The following CCR2 variants were observed in gnomAD, a reference collection of about 807,000 sequenced individuals.
CCR2 encodes the protein C-C motif chemokine receptor 2.
For synonymous variants in CCR2, 183 were observed against 177.1 expected, an observed-to-expected ratio of 1.03 and a Z score of -0.27; for missense variants, 408 against 440.0, an observed-to-expected ratio of 0.93 and a Z score of 0.65.
At chr3:46,355,623 G>C (rs909327406) in intron 1 of CCR2, among the ~76,000 whole-genome samples, 6 of 152,142 alleles carry the variant, frequency 3.9e-5, no homozygotes, top group African/African-American at 1.4e-4. Flanking sequence ...ATGAGCAAAG[G>C]AAAGACTACA....
Position 46,359,962 on chromosome 3 carries a change from G to A in CCR2, c.*1352G>A, listed in dbSNP as rs1185293156. Reference sequence around the variant, plus strand: ...GGTGTCTACGTTACCAGGCAGGAAGGCTGAGAGGAGAGAGACTCCAGCTGG... The same window carrying A: ...GGTGTCTACGTTACCAGGCAGGAAGACTGAGAGGAGAGAGACTCCAGCTGG... On this transcript the variant is annotated 3_prime_UTR_variant, in exon 2 of 2. Coordinates refer to ENST00000445132, the MANE Select transcript of CCR2 (RefSeq NM_001123396.4). The A allele has an allele frequency of 4.3e-6, 5 of 1,153,154 alleles. No homozygotes were observed. Among genetic ancestry groups the A allele is most frequent in the East Asian group, 2.5e-5 (1 of 40,524 alleles). 71.4% of individuals were successfully genotyped at this position (1,153,154 alleles called of 1,614,324 possible).
At position 46,357,524 on chromosome 3, in the gene CCR2, C is replaced by T; in HGVS notation, c.-4C>T. The T allele has an allele frequency of 6.2e-7, 1 of 1,612,306 alleles. No individual in the cohort carries two copies. Among genetic ancestry groups the T allele is most frequent in the Non-Finnish European group, 8.5e-7 (1 of 1,178,530 alleles). ...AGGACGCATTTCCCCAGTACATCCA[C>T]AACATGCTGTCCACATCTCGTTCTC... On this transcript the variant is annotated 5_prime_UTR_variant, in exon 2 of 2. Coordinates refer to ENST00000445132, the MANE Select transcript of CCR2 (RefSeq NM_001123396.4).
chr3:46,357,864 T>C lies in CCR2; in HGVS notation c.337T>C (p.Cys113Arg). The C allele has an allele frequency of 6.2e-7, 1 of 1,614,244 alleles. No individual in the cohort carries two copies. Among genetic ancestry groups the C allele is most frequent in the Non-Finnish European group, 8.5e-7 (1 of 1,180,028 alleles). Residue 113 changes from cysteine to arginine, a missense_variant, in exon 2 of 2, where the codon TGC becomes CGC. Coordinates refer to ENST00000445132, the MANE Select transcript of CCR2 (RefSeq NM_001123396.4). The stretch of plus-strand genomic sequence containing the variant: ...TGAGTGGGTCTTTGGGAATGCAATG[T>C]GCAAATTATTCACAGGGCTGTATCA... The part of the protein sequence containing the change: ...ANEWVFGNAM[C>R]KLFTGLYHIG...
In CCR2 at chr3:46,358,092, G is replaced by T; in HGVS notation, c.565G>T (p.Val189Phe). The change falls in exon 2 of 2, where the codon GTC becomes TTC. Residue 189 changes from valine to phenylalanine, a missense_variant. By Grantham distance (50) the Val-to-Phe change is conservative. Coordinates refer to ENST00000445132, the MANE Select transcript of CCR2 (RefSeq NM_001123396.4). ...ATGCCAGAAAGAAGATTCTGTTTAT[G>T]TCTGTGGCCCTTATTTTCCACGAGG... ...TKCQKEDSVY[V>F]CGPYFPRGWN... The T allele has an allele frequency of 6.2e-7, 1 of 1,614,154 alleles. No homozygotes were observed.
Position 46,360,608 on chromosome 3 carries a change from C to T in CCR2, c.*1998C>T, listed in dbSNP as rs1701534848. The T allele has an allele frequency of 6.6e-6, 1 of 152,178 alleles. No homozygotes were observed. The highest frequency in any genetic ancestry group is 1.5e-5 in the Non-Finnish European group (1 of 68,038). 9.4% of individuals were successfully genotyped at this position (152,178 alleles called of 1,614,324 possible). The stretch of plus-strand genomic sequence containing the variant: ...GCTCCCTGAAGTAAGCAAAGACTTT[C>T]CTCTTAGTCGAGCCAAGTTAAGAAT... On this transcript the variant is annotated 3_prime_UTR_variant, in exon 2 of 2. Coordinates refer to ENST00000445132, the MANE Select transcript of CCR2 (RefSeq NM_001123396.4).
chr3:46,354,407 C>T (rs1009346136), intron 1 of CCR2, among the ~76,000 whole-genome samples: 9 of 151,992 alleles, frequency 5.9e-5, no homozygotes, highest in Non-Finnish European at 7.4e-5. Flanking sequence ...GGGCAGCAAG[C>T]GAGGCCAGGA....
chr3:46,359,678 C>A lies in CCR2; in HGVS notation c.*1068C>A. The A allele has an allele frequency of 2.5e-6, 4 of 1,608,144 alleles. No homozygotes were observed. The highest frequency in any genetic ancestry group is 3.4e-6 in the Non-Finnish European group (4 of 1,178,488). ...CTCACTCTTCTCTTTTCCCCACAGCCTTTTTCACATAGCTCTTGGCTGTAG... is the reference window on the plus strand; with the variant it reads ...CTCACTCTTCTCTTTTCCCCACAGCATTTTTCACATAGCTCTTGGCTGTAG... On this transcript the variant is annotated 3_prime_UTR_variant, in exon 2 of 2. Coordinates refer to ENST00000445132, the MANE Select transcript of CCR2 (RefSeq NM_001123396.4).
rs1396869241 is a variant in CCR2, at chr3:46,359,313, G to A, written c.*703G>A. 1 of 1,023,942 alleles carries A rather than the reference G, an allele frequency of 9.8e-7. No homozygotes were observed. Among genetic ancestry groups the A allele is most frequent in the African/African-American group, 1.7e-5 (1 of 57,860 alleles). The allele number at this position is 1,023,942 out of a possible 1,614,324, so 63.4% of individuals were successfully genotyped here. On this transcript the variant is annotated 3_prime_UTR_variant, in exon 2 of 2. Transcript: ENST00000445132. ...AATCTATGAAATATCATGCTCCATT[G>A]TTCAGATGCTTCTTAGGCCACATCC...
At chr3:46,357,048 G>T (rs1025362458) in intron 1 of CCR2, among the ~76,000 whole-genome samples, 3 of 152,184 alleles carry the variant, frequency 2.0e-5, no homozygotes, top group Non-Finnish European at 4.4e-5. Context: ...GCCCTCACTA[G>T]GCATGCTGCC....
chr3:46,359,106 G>C lies in CCR2; in HGVS notation c.*496G>C, dbSNP rs145491896. On this transcript the variant is annotated 3_prime_UTR_variant, in exon 2 of 2. Transcript: ENST00000445132. Reference sequence around the variant, plus strand: ...ACGCATTCAGCCAGGAGATGATACTGGTCCTTAGCCCCATCTGCCACGTGT... The same window carrying C: ...ACGCATTCAGCCAGGAGATGATACTCGTCCTTAGCCCCATCTGCCACGTGT... 1,830 of 1,010,044 alleles carry C rather than the reference G, an allele frequency of 1.8e-3. 32 individuals carry two copies. In the African/African-American group the frequency reaches 0.03, roughly 16 times the overall value. 62.6% of individuals were successfully genotyped at this position (1,010,044 alleles called of 1,614,324 possible).
intron 1 of CCR2, 118 bp downstream of exon 1, chr3:46,354,295 G>A (rs3918361): frequency 0.2 from 30,432 of 152,214 alleles, 3,426 homozygotes; most frequent in Admixed American, 0.29. Flanking sequence ...CACTTGGGGG[G>A]AATGATCAAG....
intron 1 of CCR2, among the ~76,000 whole-genome samples, chr3:46,356,632 T>A (rs766571288): frequency 6.6e-6 from 1 of 152,066 alleles, no homozygotes; most frequent in Non-Finnish European, 1.5e-5. Context: ...GAAAATGCAG[T>A]TCATAATGGC....
chr3:46,358,318 T>C lies in CCR2; in HGVS notation c.791T>C (p.Leu264Pro). 2.5e-6 allele frequency: 4 copies of C among 1,614,222 alleles called. No homozygotes were observed. The highest frequency in any genetic ancestry group is 3.4e-6 in the Non-Finnish European group (4 of 1,180,036). ...TGGACTCCCTATAATATTGTCATTC[T>C]CCTGAACACCTTCCAGGAATTCTTC... ...LFWTPYNIVI[L>P]LNTFQEFFGL... The change falls in exon 2 of 2, where the codon CTC (leucine) becomes CCC (proline). Residue 264 changes from leucine (L) to proline (P), a missense_variant. Physicochemically the swap from Leu to Pro is moderately conservative, Grantham distance 98. Transcript: ENST00000445132.
rs777747275 is a variant in CCR2, at chr3:46,358,467, A to G, written c.940A>G (p.Arg314Gly). 6.2e-7 allele frequency: 1 copy of G among 1,613,884 alleles called. No homozygotes were observed. The highest frequency in any genetic ancestry group is 8.5e-7 in the Non-Finnish European group (1 of 1,179,996). The part of the protein sequence containing the change: ...IYAFVGEKFR[R>G]YLSVFFRKHI... ...TGCCTTCGTTGGGGAGAAGTTCAGA[A>G]GGTATCTCTCGGTGTTCTTCCGAAA... Residue 314 changes from arginine (R) to glycine (G), a missense_variant, in exon 2 of 2, where the codon AGG becomes GGG. By Grantham distance (125) the Arg-to-Gly change is moderately radical (BLOSUM62 -2). Transcript: ENST00000445132.
Position 46,358,558 on chromosome 3 carries a change from C to T in CCR2, c.1031C>T (p.Thr344Ile). The T allele has an allele frequency of 5.6e-6, 9 of 1,608,384 alleles. No homozygotes were observed. The highest frequency in any genetic ancestry group is 7.6e-6 in the Non-Finnish European group (9 of 1,177,298). The change falls in exon 2 of 2, where the codon ACT (threonine) becomes ATT (isoleucine). Residue 344 changes from threonine (T) to isoleucine (I), a missense_variant. Physicochemically the swap from Thr to Ile is moderately conservative, Grantham distance 89. Transcript: ENST00000445132. ...TACAGGGAGACAGTGGATGGAGTGA[C>T]TTCAACAAACACGCCTTCCACTGGG... Reference protein sequence around the residue: ...VFYRETVDGVTSTNTPSTGEQ... With the variant: ...VFYRETVDGVISTNTPSTGEQ...
chr3:46,355,288 G>T (rs1157914964), intron 1 of CCR2, among the ~76,000 whole-genome samples: 2 of 152,086 alleles, frequency 1.3e-5, no homozygotes, highest in Non-Finnish European at 2.9e-5. Flanking sequence ...GGTATTGAAG[G>T]GTGAATAGAA....
Position 46,358,921 on chromosome 3 carries a change from G to T in CCR2, c.*311G>T. On this transcript the variant is annotated 3_prime_UTR_variant, in exon 2 of 2. Transcript: ENST00000445132. ...ATTTCTTCACTCAATCTCTGATTCTGTCAATGTCTTGAAATCAAGGGCCAG... is the reference window on the plus strand; with the variant it reads ...ATTTCTTCACTCAATCTCTGATTCTTTCAATGTCTTGAAATCAAGGGCCAG... 1 of 1,089,528 alleles carries T rather than the reference G, an allele frequency of 9.2e-7. No homozygotes were observed. The highest frequency in any genetic ancestry group is 1.7e-5 in the African/African-American group (1 of 59,874). 67.5% of individuals were successfully genotyped at this position (1,089,528 alleles called of 1,614,324 possible).
In CCR2 at chr3:46,359,276, C is replaced by T. The variant is rs1008480849; in HGVS notation, c.*666C>T. On this transcript the variant is annotated 3_prime_UTR_variant, in exon 2 of 2. Coordinates refer to ENST00000445132, the MANE Select transcript of CCR2 (RefSeq NM_001123396.4). ...ACAGTTTATCTATGGCACCCATGCA[C>T]CTTACATTTGAAATCTATGAAATAT... is the stretch of plus-strand genomic sequence containing the variant. The T allele has an allele frequency of 8.5e-5, 86 of 1,010,102 alleles. No individual in the cohort carries two copies. Among genetic ancestry groups the T allele is most frequent in the Non-Finnish European group, 9.7e-5 (81 of 836,712 alleles). 62.6% of individuals were successfully genotyped at this position (1,010,102 alleles called of 1,614,324 possible).
At position 46,358,384 on chromosome 3, in the gene CCR2, C is replaced by T. The variant is rs1170831340; in HGVS notation, c.857C>T (p.Ala286Val). The T allele has an allele frequency of 6.2e-7, 1 of 1,614,094 alleles. No homozygotes were observed. The highest frequency in any genetic ancestry group is 8.5e-7 in the Non-Finnish European group (1 of 1,180,006). Reference sequence around the variant, plus strand: ...GAAAGCACCAGTCAACTGGACCAAGCCACGCAGGTGACAGAGACTCTTGGG... The same window carrying T: ...GAAAGCACCAGTCAACTGGACCAAGTCACGCAGGTGACAGAGACTCTTGGG... ...NCESTSQLDQ[A>V]TQVTETLGMT... The change falls in exon 2 of 2, where the codon GCC (alanine) becomes GTC (valine). Residue 286 changes from alanine (A) to valine (V), a missense_variant. Coordinates refer to ENST00000445132, the MANE Select transcript of CCR2 (RefSeq NM_001123396.4).
Sources: allele counts gnomAD v4.1 joint callset (sites outside exome capture counted in the v4.1 genomes callset), GRCh38; gene constraint gnomAD v4.1.1; transcripts MANE v1.5; gene names NCBI Gene and HGNC (gene_info 2026-07-23, HGNC 2026-07-21).